The following RPS6KC1 variants were observed in gnomAD, a reference collection of about 807,000 sequenced individuals.
RPS6KC1 encodes the protein ribosomal protein S6 kinase C1.
RPS6KC1 carries 54 observed loss-of-function variants against 103.8 expected under a neutral mutation model. The observed-to-expected ratio is 0.52, with a 90% CI of 0.42 to 0.65. The LOEUF (loss-of-function observed/expected upper bound fraction) is 0.65, where lower values mean the gene tolerates loss of function less well. Ranked by LOEUF, RPS6KC1 falls within the 30% of genes least tolerant of loss-of-function variation. The probability of loss-of-function intolerance (pLI) is 0.00; values close to 1 mark genes in which losing one functional copy is unlikely to be tolerated. For synonymous variants in RPS6KC1, 439 were observed against 438.7 expected, an observed-to-expected ratio of 1.00 and a Z score of -0.01; for missense variants, 1,151 against 1,253.8, an observed-to-expected ratio of 0.92 and a Z score of 1.24.
At chr1:213,142,774 C>T (rs1161337443) in intron 6 of RPS6KC1, among the ~76,000 whole-genome samples, 2 of 152,010 alleles carry the variant, frequency 1.3e-5, no homozygotes, top group Non-Finnish European at 2.9e-5. Flanking sequence ...TGATCGTTGT[C>T]ATTTTTTAGC....
chr1:213,561,486 T>C, the RPS6KC1 span, among the ~76,000 whole-genome samples: 10 of 152,224 alleles, frequency 6.6e-5, no homozygotes, highest in African/African-American at 1.9e-4. Context: ...GAATTCCTTC[T>C]TATGTCATTT....
chr1:213,226,116 C>T (rs1042367411), intron 8 of RPS6KC1, among the ~76,000 whole-genome samples: 16 of 151,540 alleles, frequency 1.1e-4, no homozygotes, highest in Middle Eastern at 3.4e-3. Flanking sequence ...CCAGCTACTC[C>T]GGAGGCTGAG....
intron 8 of RPS6KC1, among the ~76,000 whole-genome samples, chr1:213,208,283 C>T (rs1316421389): frequency 6.6e-6 from 1 of 152,172 alleles, no homozygotes; most frequent in Non-Finnish European, 1.5e-5. Context: ...TACTACCTAG[C>T]TCTCCTCTTT....
the RPS6KC1 span, among the ~76,000 whole-genome samples, chr1:213,444,472 G>A: frequency 6.6e-6 from 1 of 152,146 alleles, no homozygotes; most frequent in Non-Finnish European, 1.5e-5. Context: ...CTGCATTTCA[G>A]AACTGCATAT....
chr1:213,387,823 C>G, the RPS6KC1 span, among the ~76,000 whole-genome samples: 1 of 152,216 alleles, frequency 6.6e-6, no homozygotes, highest in Non-Finnish European at 1.5e-5. Flanking sequence ...GACCTTGACA[C>G]AAGACATGGA....
At chr1:213,778,337 A>T in the RPS6KC1 span, among the ~76,000 whole-genome samples, 2 of 152,170 alleles carry the variant, frequency 1.3e-5, no homozygotes, top group African/African-American at 4.8e-5. Context: ...GATGAATTGC[A>T]ATAATTCAAA....
chr1:213,725,931 A>G, the RPS6KC1 span, among the ~76,000 whole-genome samples: 2 of 152,168 alleles, frequency 1.3e-5, no homozygotes, highest in Non-Finnish European at 2.9e-5. Flanking sequence ...TTATTGTGTT[A>G]CAATTTTAAT....
At chr1:213,616,628 T>C in the RPS6KC1 span, among the ~76,000 whole-genome samples, 2 of 152,134 alleles carry the variant, frequency 1.3e-5, no homozygotes, top group East Asian at 1.9e-4. Flanking sequence ...CCTGGCAACA[T>C]AGTGAGACCC....
At position 213,096,691 on chromosome 1, in the gene RPS6KC1, T is replaced by G. The variant is rs1558308605; in HGVS notation, c.263-7763T>G. Among the ~76,000 whole-genome samples the G allele has an allele frequency of 2.0e-5, 3 of 152,068 alleles. No individual in the cohort carries two copies. In the East Asian group the frequency reaches 5.8e-4, roughly 29 times the overall value. Reference sequence around the variant, plus strand: ...AAGAAAAAAAAAAAAGTTGATAGTTTTACCTTCCCCCAAATGTTGTCAATG... The same window carrying G: ...AAGAAAAAAAAAAAAGTTGATAGTTGTACCTTCCCCCAAATGTTGTCAATG... On this transcript the variant is annotated intron_variant, in intron 3 of 14. Transcript: ENST00000366960.
At chr1:213,440,279 C>G in the RPS6KC1 span, among the ~76,000 whole-genome samples, 3 of 152,104 alleles carry the variant, frequency 2.0e-5, no homozygotes, top group Non-Finnish European at 2.9e-5. Context: ...ATGTCAGGCT[C>G]AGGGCTAAGT....
chr1:213,753,804 G>C, the RPS6KC1 span, among the ~76,000 whole-genome samples: 1 of 152,140 alleles, frequency 6.6e-6, no homozygotes, highest in Non-Finnish European at 1.5e-5. Context: ...AGCATTCGTA[G>C]GTGCTCCATC....
the RPS6KC1 span, among the ~76,000 whole-genome samples, chr1:213,400,510 C>T: frequency 6.6e-6 from 1 of 152,096 alleles, no homozygotes; most frequent in African/African-American, 2.4e-5. Context: ...CCCTAGTTCT[C>T]TTCCCTGCCA....
chr1:213,473,865 C>G, the RPS6KC1 span, among the ~76,000 whole-genome samples: 1 of 152,150 alleles, frequency 6.6e-6, no homozygotes, highest in Non-Finnish European at 1.5e-5. Context: ...GAATTGGAAT[C>G]TAGCAGGCAA....
chr1:213,319,075 G>A, the RPS6KC1 span, among the ~76,000 whole-genome samples: 5 of 152,190 alleles, frequency 3.3e-5, no homozygotes, highest in East Asian at 9.6e-4. Context: ...GGAGGCCAAG[G>A]TGGGTGGATC....
the RPS6KC1 span, among the ~76,000 whole-genome samples, chr1:213,813,648 C>G: frequency 2.0e-5 from 3 of 152,098 alleles, no homozygotes; most frequent in African/African-American, 4.8e-5. Flanking sequence ...CACTAAAAAC[C>G]TTTAGAAAAC....
intron 1 of RPS6KC1, among the ~76,000 whole-genome samples, chr1:213,065,012 C>T (rs1323099679): frequency 1.9e-4 from 21 of 109,092 alleles, no homozygotes; most frequent in African/African-American, 1.7e-4. Context: ...AGTCTTGCTC[C>T]GTTGCCCAGG....
At chr1:213,373,369 A>T in the RPS6KC1 span, among the ~76,000 whole-genome samples, 6 of 152,260 alleles carry the variant, frequency 3.9e-5, no homozygotes, top group East Asian at 3.8e-4. Flanking sequence ...TTCTCTAAAA[A>T]TCCAAGTACG....
intron 12 of RPS6KC1, among the ~76,000 whole-genome samples, chr1:213,251,125 G>C (rs1313495364): frequency 1.8e-4 from 3 of 16,822 alleles, no homozygotes; most frequent in Non-Finnish European, 3.7e-4. Flanking sequence ...TTTTTTTTTT[G>C]AGACAGAGTC....
At chr1:213,505,559 C>T in the RPS6KC1 span, among the ~76,000 whole-genome samples, 1 of 152,200 alleles carries the variant, frequency 6.6e-6, no homozygotes, top group South Asian at 2.1e-4. Flanking sequence ...ACACATATAA[C>T]AGATTGAGCA....
Sources: gnomAD v4.1 joint callset for allele counts (sites outside exome capture counted in the v4.1 genomes callset) on GRCh38, gnomAD v4.1.1 for gene constraint, MANE v1.5 for transcripts, NCBI Gene and HGNC (gene_info 2026-07-23, HGNC 2026-07-21) for gene names.